The following RPRD2 variants were observed in gnomAD, a reference collection of about 807,000 sequenced individuals.
The protein encoded by RPRD2 is regulation of nuclear pre-mRNA domain-containing protein 2.
Under a neutral mutation model 104.4 loss-of-function variants are expected in RPRD2, and 12 were observed. The ratio of observed to expected loss-of-function variants is 0.11; its 90% CI spans 0.07 to 0.19. The LOEUF is 0.19. Ranked by LOEUF, RPRD2 falls within the 10% of genes least tolerant of loss-of-function variation. RPRD2 has a pLI of 1.00. For missense variants in RPRD2, 1,543 were observed against 1,790.1 expected, an observed-to-expected ratio of 0.86 and a Z score of 2.49; for synonymous variants, 714 against 684.9, an observed-to-expected ratio of 1.04 and a Z score of -0.66.
intron 2 of RPRD2, among the ~76,000 whole-genome samples, chr1:150,418,784 G>A (rs1664552522): frequency 6.6e-6 from 1 of 152,144 alleles, no homozygotes; most frequent in Non-Finnish European, 1.5e-5. Flanking sequence ...GGCCAAGGCG[G>A]GTGGTGGATC....
chr1:150,412,147 CAA>C (rs34940257), intron 1 of RPRD2, among the ~76,000 whole-genome samples: 18,158 of 151,998 alleles, frequency 0.12, 1,517 homozygotes, highest in African/African-American at 0.23. Context: ...AGGCAGTAAA[CAA>C]GAGAAATTCC....
At chr1:150,422,140 C>T (rs1386129110) in intron 2 of RPRD2, among the ~76,000 whole-genome samples, 1 of 148,908 alleles carries the variant, frequency 6.7e-6, no homozygotes, top group African/African-American at 2.5e-5. Context: ...TCCTGACTAA[C>T]ACAGTGAAAC....
In RPRD2 at chr1:150,474,196, TAC is replaced by T. The variant is rs965497455; in HGVS notation, c.*864_*865del. 6.6e-5 allele frequency: 10 copies of T among 152,216 alleles called. No homozygotes were observed. Among genetic ancestry groups the T allele is most frequent in the African/African-American group, 2.4e-4 (10 of 41,454 alleles). The allele number at this position is 152,216 out of a possible 1,614,324, so 9.4% of individuals were successfully genotyped here. ...CTGCTGTGGCCAGAAAGACAGTCACTACAGTTGACTATTGATACAAAGGTGCA... is the reference window on the plus strand; with the variant it reads ...CTGCTGTGGCCAGAAAGACAGTCACTAGTTGACTATTGATACAAAGGTGCA... On this transcript the variant is annotated 3_prime_UTR_variant, in exon 11 of 11. Coordinates refer to ENST00000369068, the MANE Select transcript of RPRD2 (RefSeq NM_015203.5).
intron 2 of RPRD2, among the ~76,000 whole-genome samples, chr1:150,437,495 C>T (rs986287018): frequency 6.6e-6 from 1 of 152,132 alleles, no homozygotes; most frequent in Non-Finnish European, 1.5e-5. Flanking sequence ...ATTTTTTTAA[C>T]TAACATATGG....
chr1:150,415,225 G>A (rs946724871), intron 1 of RPRD2, among the ~76,000 whole-genome samples: 10 of 151,858 alleles, frequency 6.6e-5, no homozygotes, highest in African/African-American at 1.2e-4. Context: ...CAGCTACTTC[G>A]GGAGGCTAAG....
Position 150,457,558 on chromosome 1 carries a change from T to C in RPRD2, c.1141T>C (p.Ser381Pro), listed in dbSNP as rs782442607. The C allele has an allele frequency of 6.2e-7, 1 of 1,613,674 alleles. No individual in the cohort carries two copies. The highest frequency in any genetic ancestry group is 1.1e-5 in the South Asian group (1 of 91,066). Residue 381 changes from serine (S) to proline (P), a missense_variant, in exon 8 of 11, where the codon TCA becomes CCA. Coordinates refer to ENST00000369068, the MANE Select transcript of RPRD2 (RefSeq NM_015203.5). ...ACTCTCAGATGTGGAAGATGATGGG[T>C]CAAAAATCATTGGTATGTCTTTATG... ...MELSDVEDDGSKIIVEDRKEK... is the reference protein window; with the variant it reads ...MELSDVEDDGPKIIVEDRKEK...
chr1:150,435,241 A>G (rs587617021), intron 2 of RPRD2, among the ~76,000 whole-genome samples: 88 of 152,214 alleles, frequency 5.8e-4, no homozygotes, highest in South Asian at 3.5e-3. Flanking sequence ...ATCTCTTTCT[A>G]TCTCCTGGGA....
intron 2 of RPRD2, among the ~76,000 whole-genome samples, chr1:150,434,403 C>A (rs1313049884): frequency 6.6e-6 from 1 of 152,114 alleles, no homozygotes; most frequent in African/African-American, 2.4e-5. Context: ...ACAGTTAAAG[C>A]TGTTCTTAGA....
At position 150,472,480 on chromosome 1, in the gene RPRD2, G is replaced by A; in HGVS notation, c.3532G>A (p.Val1178Ile). 6.2e-7 allele frequency: 1 copy of A among 1,613,956 alleles called. No homozygotes were observed. The highest frequency in any genetic ancestry group is 8.5e-7 in the Non-Finnish European group (1 of 1,179,884). The change falls in exon 11 of 11, where the codon GTC (valine) becomes ATC (isoleucine). Residue 1178 changes from valine (V) to isoleucine (I), a missense_variant. Coordinates refer to ENST00000369068, the MANE Select transcript of RPRD2 (RefSeq NM_015203.5). ...KERAPQFQES[V>I]GSFRSNSFNS... ...ACGGGCACCTCAATTTCAGGAGAGT[G>A]TCGGCAGCTTTCGTTCCAACAGTTT...
At chr1:150,395,815 A>G (rs1449756675) in intron 1 of RPRD2, among the ~76,000 whole-genome samples, 8 of 152,162 alleles carry the variant, frequency 5.3e-5, no homozygotes, top group Non-Finnish European at 1.2e-4. Flanking sequence ...GGCCGCAAGT[A>G]TCTTTTTCAT....
rs1661661325 is a variant in RPRD2 at position 150,387,566 on chromosome 1, C to CTTTTTTTTTTTTTTTTTTTTTTT, written c.205+22647_205+22648insTTTTTTTTTTTTTTTTTTTTTTT. 8.6e-5 allele frequency among the ~76,000 whole-genome samples: 6 copies of CTTTTTTTTTTTTTTTTTTTTTTT among 70,116 alleles called. 2 individuals are homozygous for CTTTTTTTTTTTTTTTTTTTTTTT. Among genetic ancestry groups the CTTTTTTTTTTTTTTTTTTTTTTT allele is most frequent in the Non-Finnish European group, 2.9e-5 (1 of 34,170 alleles). 46.0% of individuals were successfully genotyped at this position (70,116 alleles called of 152,430 possible). A position where few individuals can be genotyped will look rare whatever the true frequency, so the allele number is the denominator to read the frequency against. ...TAAATCTTACAGAAGTTGCAACAGACCTTTTTTTTTTTTTTTTTTTTTTTT... is the reference window on the plus strand; with the variant it reads ...TAAATCTTACAGAAGTTGCAACAGACTTTTTTTTTTTTTTTTTTTTTTTCTTTTTTTTTTTTTTTTTTTTTTTT... On this transcript the variant is annotated intron_variant, in intron 1 of 10. Transcript: ENST00000369068.
In RPRD2 at chr1:150,470,792, C is replaced by A; in HGVS notation, c.1844C>A (p.Pro615Gln). The change falls in exon 11 of 11, where the codon CCA becomes CAA. Residue 615 changes from proline to glutamine, a missense_variant. Pro to Gln is a moderately conservative substitution (Grantham distance 76). This residue lies in a region of RPRD2 where 572 missense variants were observed against 787.3 expected (regional missense o/e 0.73). Transcript: ENST00000369068. ...SASKASIGQS[P>Q]GLPSTTFKLP... Reference sequence around the variant, plus strand: ...AGCAAGGCCTCAATTGGGCAAAGCCCAGGGCTCCCAAGCACTACTTTTAAA... The same window carrying A: ...AGCAAGGCCTCAATTGGGCAAAGCCAAGGGCTCCCAAGCACTACTTTTAAA... The A allele has an allele frequency of 1.2e-6, 2 of 1,614,028 alleles. No individual in the cohort carries two copies. Among genetic ancestry groups the A allele is most frequent in the Non-Finnish European group, 1.7e-6 (2 of 1,179,912 alleles).
At chr1:150,403,702 G>A (rs1196006858) in intron 1 of RPRD2, among the ~76,000 whole-genome samples, 1 of 151,508 alleles carries the variant, frequency 6.6e-6, no homozygotes, top group Non-Finnish European at 1.5e-5. Flanking sequence ...AGGCTGCAGT[G>A]CAGTGTCACA....
intron 1 of RPRD2, among the ~76,000 whole-genome samples, chr1:150,401,621 C>A (rs1553885401): frequency 2.0e-5 from 3 of 151,374 alleles, no homozygotes; most frequent in South Asian, 4.2e-4. Context: ...AGGATTACCC[C>A]TTTCATAGTA....
Position 150,364,738 on chromosome 1 carries a change from C to T in RPRD2, c.24C>T (p.Gly8=). 2 of 1,585,726 alleles carry T rather than the reference C, an allele frequency of 1.3e-6. No homozygotes were observed. The highest frequency in any genetic ancestry group is 1.7e-6 in the Non-Finnish European group (2 of 1,165,854). Residue 8 remains glycine, a synonymous_variant, in exon 1 of 11, where the codon GGC becomes GGT. Transcript: ENST00000369068. The stretch of plus-strand genomic sequence containing the variant: ...AGATGGCGGCCGGCGGCGGCGGAGG[C>T]AGCAGTAAGGCCTCCTCCTCGTCGG... MAAGGGG[G]SSKASSSSAS...
chr1:150,434,359 A>G (rs926666901), intron 2 of RPRD2, among the ~76,000 whole-genome samples: 12 of 152,162 alleles, frequency 7.9e-5, no homozygotes, highest in African/African-American at 1.7e-4. Context: ...GTCTATGTAT[A>G]TATATATGTA....
chr1:150,427,164 A>G (rs1174868306), intron 2 of RPRD2, among the ~76,000 whole-genome samples: 1 of 149,898 alleles, frequency 6.7e-6, no homozygotes, highest in African/African-American at 2.4e-5. Flanking sequence ...ATAAATAAAA[A>G]GTTTTAAAAA....
chr1:150,365,451 A>T (rs587638449), intron 1 of RPRD2, among the ~76,000 whole-genome samples: 1 of 152,192 alleles, frequency 6.6e-6, no homozygotes, highest in African/African-American at 2.4e-5. Context: ...TGAGCTCTAC[A>T]TAGATCTGAG....
chr1:150,460,384 T>G (rs2102412437), intron 9 of RPRD2, 67 bp downstream of exon 9: 10 of 1,421,822 alleles, frequency 7.0e-6, no homozygotes, highest in Non-Finnish European at 9.5e-6. Flanking sequence ...CATTAATCTG[T>G]TTTTGGGGGG....
Sources: allele counts gnomAD v4.1 joint callset (sites outside exome capture counted in the v4.1 genomes callset), GRCh38; gene constraint gnomAD v4.1.1; regional missense constraint gnomAD v4.1.1; transcripts MANE v1.5; gene names NCBI Gene and HGNC (gene_info 2026-07-23, HGNC 2026-07-21).